Variants in RANBP3 observed in about 807,000 individuals in gnomAD.
RANBP3 encodes the protein RAN binding protein 3, also known as ran-binding protein 3.
RANBP3 carries 14 observed loss-of-function variants against 77.3 expected under a neutral mutation model. The observed-to-expected ratio is 0.18, with a 90% CI of 0.12 to 0.28. The LOEUF is 0.28. RANBP3 is among the 10% of genes least tolerant of loss of function. The pLI, the probability that RANBP3 is intolerant of heterozygous loss-of-function variation, is 1.00. For missense variants in RANBP3, 586 were observed against 752.3 expected, an observed-to-expected ratio of 0.78 and a Z score of 2.59; for synonymous variants, 315 against 312.4, an observed-to-expected ratio of 1.01 and a Z score of -0.09.
chr19:5,972,266 C>T (rs1314173768), intron 1 of RANBP3, among the ~76,000 whole-genome samples: 1 of 152,202 alleles, frequency 6.6e-6, no homozygotes, highest in Non-Finnish European at 1.5e-5. Context: ...CTGACAACCT[C>T]CTTAAACAAG....
chr19:5,943,147 C>G (rs2058161102), intron 3 of RANBP3, among the ~76,000 whole-genome samples: 1 of 152,218 alleles, frequency 6.6e-6, no homozygotes, highest in South Asian at 2.1e-4. Context: ...GGCCGCTCCT[C>G]CTGGCGCGCT....
intron 1 of RANBP3, among the ~76,000 whole-genome samples, chr19:5,970,209 C>T (rs2058514504): frequency 6.6e-6 from 1 of 152,144 alleles, no homozygotes; most frequent in Admixed American, 6.5e-5. Flanking sequence ...GGGCAAGAAA[C>T]CTTGCATTAA....
chr19:5,967,152 C>T (rs901826061), intron 1 of RANBP3, among the ~76,000 whole-genome samples: 3 of 152,212 alleles, frequency 2.0e-5, no homozygotes, highest in Non-Finnish European at 4.4e-5. Context: ...TGCGGATCTC[C>T]GTGTATAGCA....
At chr19:5,975,083 G>C (rs1427211336) in intron 1 of RANBP3, among the ~76,000 whole-genome samples, 4 of 152,192 alleles carry the variant, frequency 2.6e-5, no homozygotes, top group Non-Finnish European at 5.9e-5. Flanking sequence ...AGCTTCAAAA[G>C]GCACAGGCAA....
At chr19:5,953,876 A>T (rs2058303941) in intron 2 of RANBP3, among the ~76,000 whole-genome samples, 1 of 152,176 alleles carries the variant, frequency 6.6e-6, no homozygotes, top group African/African-American at 2.4e-5. Flanking sequence ...CTAGGACTAC[A>T]ATTAAAACCA....
At chr19:5,922,465 G>A (rs945517643) in intron 13 of RANBP3, among the ~76,000 whole-genome samples, 5 of 152,186 alleles carry the variant, frequency 3.3e-5, no homozygotes, top group Non-Finnish European at 5.9e-5. Flanking sequence ...CGGGTGGTGC[G>A]GCCTGAGGAG....
In RANBP3 at chr19:5,923,889, C is replaced by G; in HGVS notation, c.1022G>C (p.Ser341Thr). ...TGCATTTTCCCTGTTGGCATCTGAACTGACCTCGTTTAATTTTGGGGGGCT... is the reference window on the plus strand; with the variant it reads ...TGCATTTTCCCTGTTGGCATCTGAAGTGACCTCGTTTAATTTTGGGGGGCT... ...VLSPPKLNEV[S>T]SDANRENAAA... Residue 341 changes from serine to threonine, a missense_variant, in exon 12 of 17, where the codon AGT (serine) becomes ACT (threonine). This residue lies in a region of RANBP3 where 232 missense variants were observed against 271.7 expected (regional missense o/e 0.85). Transcript: ENST00000340578. 2 of 1,614,202 alleles carry G rather than the reference C, an allele frequency of 1.2e-6. No individual in the cohort carries two copies. The highest frequency in any genetic ancestry group is 1.7e-6 in the Non-Finnish European group (2 of 1,180,020).
intron 10 of RANBP3, 144 bp downstream of exon 10, chr19:5,925,490 T>C (rs1420233030): frequency 2.9e-6 from 2 of 678,884 alleles, no homozygotes; most frequent in East Asian, 5.5e-5. Context: ...GTGCCCAGAG[T>C]GGGGAATGAG....
intron 5 of RANBP3, among the ~76,000 whole-genome samples, chr19:5,940,770 A>G (rs2058125668): frequency 6.6e-6 from 1 of 152,266 alleles, no homozygotes; most frequent in Non-Finnish European, 1.5e-5. Context: ...CACTACAGAC[A>G]GCTAAGACAG....
intron 1 of RANBP3, among the ~76,000 whole-genome samples, chr19:5,969,627 G>A (rs2058507734): frequency 6.6e-6 from 1 of 152,204 alleles, no homozygotes; most frequent in Non-Finnish European, 1.5e-5. Flanking sequence ...AGAGTTTACT[G>A]ACTCACCGGG....
In RANBP3 at chr19:5,931,429, G is replaced by C. The variant is rs1568453945; in HGVS notation, c.668C>G (p.Ala223Gly). ...DTAAWRSPSE[A>G]ADEVCALEEK... ...CTCAAGTGCACACACCTCATCGGCA[G>C]CTTCGGAAGGACTTCTCCATGCAGC... The change falls in exon 8 of 17, where the codon GCT becomes GGT. Residue 223 changes from alanine to glycine, a missense_variant. By Grantham distance (60) the Ala-to-Gly change is moderately conservative. Around this residue, in one of 5 missense-constraint regions of RANBP3, gnomAD observed 232 missense variants for 271.7 expected, o/e 0.85. Transcript: ENST00000340578. 1.9e-6 allele frequency: 3 copies of C among 1,612,488 alleles called. No homozygotes were observed. Among genetic ancestry groups the C allele is most frequent in the Middle Eastern group, 1.6e-4 (1 of 6,080 alleles).
At chr19:5,919,453 T>C (rs1291920525) in intron 14 of RANBP3, among the ~76,000 whole-genome samples, 1 of 152,172 alleles carries the variant, frequency 6.6e-6, no homozygotes, top group Non-Finnish European at 1.5e-5. Flanking sequence ...AGAGGTGATT[T>C]TGCTCTCCCT....
rs945054293 is a variant in RANBP3, at chr19:5,959,640, T to C, written c.23-1667A>G. ...TGCCAACACAGCACACAGGTGCTGC[T>C]TGACAAACGTGAATGAATGCACCTA... On this transcript the variant is annotated intron_variant, in intron 1 of 16. Transcript: ENST00000340578. This position sits in a 1 kb window ranked among gnomAD's most constrained non-coding sequence, Gnocchi z 5.1. Among the ~76,000 whole-genome samples, 3 of 152,160 alleles carry C rather than the reference T, an allele frequency of 2.0e-5. No individual in the cohort carries two copies. The highest frequency in any genetic ancestry group is 7.2e-5 in the African/African-American group (3 of 41,426).
chr19:5,938,582 C>T (rs2145123876), intron 5 of RANBP3, among the ~76,000 whole-genome samples: 1 of 152,176 alleles, frequency 6.6e-6, no homozygotes, highest in Non-Finnish European at 1.5e-5. Flanking sequence ...ATCCCAGCTA[C>T]TTGGGAGGCT....
intron 7 of RANBP3, 55 bp downstream of exon 7, chr19:5,932,397 C>T (rs572776854): frequency 1.6e-5 from 24 of 1,480,670 alleles, no homozygotes; most frequent in African/African-American, 6.9e-5. Context: ...GGTGCGACTT[C>T]GGGAACGCTC....
chr19:5,933,386 C>T (rs2058021723), intron 6 of RANBP3, 28 bp downstream of exon 6: 4 of 1,586,724 alleles, frequency 2.5e-6, no homozygotes, highest in Non-Finnish European at 2.6e-6. Context: ...GAGAGCCACC[C>T]CCCGCCCCAG....
intron 2 of RANBP3, among the ~76,000 whole-genome samples, chr19:5,956,741 T>C (rs2058339291): frequency 1.3e-5 from 2 of 152,096 alleles, no homozygotes; most frequent in Admixed American, 1.3e-4. Context: ...CACATCAAGA[T>C]AAATGCTGGC....
chr19:5,927,888 A>G, intron 9 of RANBP3, 80 bp downstream of exon 9: 1 of 1,524,692 alleles, frequency 6.6e-7, no homozygotes, highest in Non-Finnish European at 8.8e-7. Context: ...CCCTGTTAAA[A>G]GGAAAATCTA....
At chr19:5,949,474 C>T (rs769030054) in intron 3 of RANBP3, among the ~76,000 whole-genome samples, 14 of 152,244 alleles carry the variant, frequency 9.2e-5, no homozygotes, top group Non-Finnish European at 1.8e-4. Context: ...AGGGGCTTGA[C>T]AATGGCTCTC....
Sources: allele counts gnomAD v4.1 joint callset (sites outside exome capture counted in the v4.1 genomes callset), GRCh38; gene constraint gnomAD v4.1.1; regional missense constraint gnomAD v4.1.1; non-coding constraint Gnocchi (gnomAD v3.1); transcripts MANE v1.5; gene names NCBI Gene and HGNC (gene_info 2026-07-23, HGNC 2026-07-21).